The following TAFA5 variants were observed in gnomAD, a reference collection of about 807,000 sequenced individuals.
TAFA5 encodes chemokine-like protein TAFA-5.
In TAFA5, 6 loss-of-function variants were observed where a neutral mutation model predicts 15.3. The observed-to-expected ratio is 0.39, with a 90% CI of 0.21 to 0.77. The LOEUF is 0.77. Among genes scored for constraint, TAFA5 ranks in the 30% least tolerant of loss-of-function variants. The pLI is 0.41. For synonymous variants in TAFA5, 103 were observed against 80.7 expected (o/e 1.28, Z -1.48); for missense variants, 161 against 193.1 (o/e 0.83, Z 0.98).
intron 2 of TAFA5, among the ~76,000 whole-genome samples, chr22:48,680,096 G>A (rs1222425473): frequency 2.0e-5 from 3 of 152,208 alleles, no homozygotes; most frequent in African/African-American, 7.2e-5. Context: ...CTGCAGCCCC[G>A]GTGGGTGTGG....
chr22:48,611,423 C>T (rs776928026), intron 1 of TAFA5, among the ~76,000 whole-genome samples: 17 of 152,194 alleles, frequency 1.1e-4, no homozygotes, highest in Non-Finnish European at 2.2e-4. Flanking sequence ...CATGTCAGCC[C>T]GGATGGGGCA....
At chr22:48,680,801 A>T (rs1038824811) in intron 2 of TAFA5, among the ~76,000 whole-genome samples, 1 of 152,208 alleles carries the variant, frequency 6.6e-6, no homozygotes, top group Non-Finnish European at 1.5e-5. Context: ...TGCTGCAGAC[A>T]CCTGCACCTG....
intron 2 of TAFA5, among the ~76,000 whole-genome samples, chr22:48,678,118 C>G (rs116184636): frequency 0.016 from 2,499 of 152,336 alleles, 70 homozygotes; most frequent in African/African-American, 0.057. Flanking sequence ...TCCTCCTGAG[C>G]CGCCTCCCTC....
intron 3 of TAFA5, among the ~76,000 whole-genome samples, chr22:48,710,421 T>A (rs1265374454): frequency 6.6e-6 from 1 of 152,042 alleles, no homozygotes; most frequent in Non-Finnish European, 1.5e-5. Flanking sequence ...TCCTCTCTCC[T>A]CCCCTGTAGT....
chr22:48,638,706 A>G (rs557217434), intron 1 of TAFA5, among the ~76,000 whole-genome samples: 1 of 132,148 alleles, frequency 7.6e-6, no homozygotes, highest in East Asian at 2.5e-4. Context: ...AAGCCCTGGG[A>G]CACTGCACAC....
At chr22:48,665,135 T>C (rs561660826) in intron 2 of TAFA5, among the ~76,000 whole-genome samples, 3 of 152,324 alleles carry the variant, frequency 2.0e-5, no homozygotes, top group Admixed American at 2.0e-4. Flanking sequence ...CTACGGTGTT[T>C]CGTGGACTTG....
chr22:48,584,161 A>G (rs1044659814), intron 1 of TAFA5, among the ~76,000 whole-genome samples: 1 of 148,780 alleles, frequency 6.7e-6, no homozygotes, highest in African/African-American at 2.5e-5. Context: ...CATCACATAC[A>G]TCATACACAC....
At chr22:48,579,382 C>T (rs1383227861) in intron 1 of TAFA5, among the ~76,000 whole-genome samples, 2 of 152,202 alleles carry the variant, frequency 1.3e-5, no homozygotes, top group Admixed American at 6.5e-5. Context: ...CACGCTGACC[C>T]TCCTCTGGGA....
intron 1 of TAFA5, among the ~76,000 whole-genome samples, chr22:48,638,035 G>T (rs918759503): frequency 6.6e-6 from 1 of 152,080 alleles, no homozygotes; most frequent in African/African-American, 2.4e-5. Context: ...GGCGGCCAGG[G>T]TATTAGAAAC....
chr22:48,565,945 T>C (rs1923392545), intron 1 of TAFA5, among the ~76,000 whole-genome samples: 1 of 151,886 alleles, frequency 6.6e-6, no homozygotes, highest in Non-Finnish European at 1.5e-5. Flanking sequence ...TGATGGATGA[T>C]GAATAGATGT....
intron 3 of TAFA5, among the ~76,000 whole-genome samples, chr22:48,730,124 C>T (rs1325035582): frequency 1.3e-5 from 2 of 152,222 alleles, no homozygotes; most frequent in African/African-American, 4.8e-5. Flanking sequence ...GTGGCTTACG[C>T]CTGTAATCCC....
chr22:48,696,284 G>A (rs1412597913), intron 2 of TAFA5, among the ~76,000 whole-genome samples: 2 of 152,124 alleles, frequency 1.3e-5, no homozygotes, highest in Admixed American at 6.5e-5. Context: ...TGACCTTTCC[G>A]GCCAGATGTA....
intron 1 of TAFA5, among the ~76,000 whole-genome samples, chr22:48,567,340 C>T (rs1222837775): frequency 1.3e-5 from 2 of 150,960 alleles, no homozygotes; most frequent in African/African-American, 2.5e-5. Flanking sequence ...AGCAGGCTCC[C>T]GCCCCAGGCT....
In TAFA5 at chr22:48,680,343, G is replaced by A. The variant is rs141865892; in HGVS notation, c.263-27374G>A. 5.5e-3 allele frequency among the ~76,000 whole-genome samples: 838 copies of A among 152,348 alleles called. 6 individuals carry two copies. Among genetic ancestry groups the A allele is most frequent in the African/African-American group, 0.018 (758 of 41,586 alleles). ...CTCAGAACAAAAGATGGAAGATCTC[G>A]AGGAGACTTTAGTGCACAGCCTCCT... On this transcript the variant is annotated intron_variant, in intron 2 of 3. Transcript: ENST00000402357.
intron 1 of TAFA5, among the ~76,000 whole-genome samples, chr22:48,531,970 C>T (rs1000340071): frequency 5.3e-5 from 8 of 152,218 alleles, no homozygotes; most frequent in East Asian, 1.9e-4. Context: ...CAGCTGGTGA[C>T]GCTTCTGGGT....
intron 1 of TAFA5, among the ~76,000 whole-genome samples, chr22:48,613,056 A>G (rs1009975959): frequency 6.6e-6 from 1 of 151,620 alleles, no homozygotes; most frequent in Admixed American, 6.6e-5. Flanking sequence ...GCACTCAGGG[A>G]CCAGCCACTC....
At chr22:48,492,675 G>A (rs1043799737) in intron 1 of TAFA5, among the ~76,000 whole-genome samples, 2 of 152,302 alleles carry the variant, frequency 1.3e-5, no homozygotes, top group Non-Finnish European at 2.9e-5. Flanking sequence ...CAGGGGAAAG[G>A]GGCCCTGGAT....
At chr22:48,513,289 T>C (rs1921289865) in intron 1 of TAFA5, among the ~76,000 whole-genome samples, 1 of 152,230 alleles carries the variant, frequency 6.6e-6, no homozygotes, top group African/African-American at 2.4e-5. Flanking sequence ...ATTGCTTCCT[T>C]CGACTGTGTT....
chr22:48,576,639 G>T, intron 1 of TAFA5: 1 of 1,286,292 alleles, frequency 7.8e-7, no homozygotes, highest in Non-Finnish European at 1.0e-6. Flanking sequence ...TCCGGCGCCC[G>T]ACCCGGCTTC....
Sources: allele counts gnomAD v4.1 joint callset (sites outside exome capture counted in the v4.1 genomes callset), GRCh38; gene constraint gnomAD v4.1.1; transcripts MANE v1.5; gene names NCBI Gene and HGNC (gene_info 2026-07-23, HGNC 2026-07-21).